Variants in TNKS2 observed in about 807,000 individuals in gnomAD.
TNKS2 encodes poly [ADP-ribose] polymerase tankyrase-2.
TNKS2 carries 72 observed loss-of-function variants against 137.6 expected under a neutral mutation model. That is an observed-to-expected ratio of 0.52 (90% confidence interval 0.43 to 0.64). The LOEUF (loss-of-function observed/expected upper bound fraction) is 0.64. Among genes scored for constraint, TNKS2 ranks in the 30% least tolerant of loss-of-function variants. The pLI is 0.00. For missense variants in TNKS2, 1,049 were observed against 1,410.2 expected, an observed-to-expected ratio of 0.74 and a Z score of 4.10; for synonymous variants, 516 against 512.1, an observed-to-expected ratio of 1.01 and a Z score of -0.10.
intron 1 of TNKS2, among the ~76,000 whole-genome samples, chr10:91,801,900 A>G (rs1844184851): frequency 6.6e-6 from 1 of 152,240 alleles, no homozygotes; most frequent in Non-Finnish European, 1.5e-5. Context: ...GAAAACAGCA[A>G]ATTTCAGTAA....
In TNKS2 at chr10:91,798,584, G is replaced by C. The variant is rs933372371; in HGVS notation, c.-107G>C. On this transcript the variant is annotated 5_prime_UTR_variant, in exon 1 of 27. Coordinates refer to ENST00000371627, the MANE Select transcript of TNKS2 (RefSeq NM_025235.4). Reference sequence around the variant, plus strand: ...GTGACAGCAGGGAGCCAAGCGGCCCGGGCCCTGAGCGCGTCTTCTCCGGGG... The same window carrying C: ...GTGACAGCAGGGAGCCAAGCGGCCCCGGCCCTGAGCGCGTCTTCTCCGGGG... 1.6e-5 allele frequency: 19 copies of C among 1,173,496 alleles called. No individual in the cohort carries two copies. Among genetic ancestry groups the C allele is most frequent in the Non-Finnish European group, 1.9e-5 (18 of 944,470 alleles). 72.7% of individuals were successfully genotyped at this position (1,173,496 alleles called of 1,614,324 possible). A position where few individuals can be genotyped will look rare whatever the true frequency, so the allele number is the denominator to read the frequency against.
intron 9 of TNKS2, among the ~76,000 whole-genome samples, chr10:91,830,449 C>T (rs1845210316): frequency 6.6e-6 from 1 of 152,128 alleles, no homozygotes; most frequent in African/African-American, 2.4e-5. Flanking sequence ...AACTCCTGAC[C>T]TCAGGTGACC....
rs772604315 is a variant in TNKS2 at position 91,857,508 on chromosome 10, C to T, written c.3072C>T (p.Ala1024=). The part of the protein sequence containing the change: ...KEVSEENHNH[A]NERMLFHGSP... ...TTTCTGAAGAAAACCACAACCATGC[C>T]AATGAACGAATGCTATTTCATGGTA... Residue 1024 remains alanine (A), a synonymous_variant, in exon 24 of 27, where the codon GCC becomes GCT. Coordinates refer to ENST00000371627, the MANE Select transcript of TNKS2 (RefSeq NM_025235.4). 1.2e-6 allele frequency: 2 copies of T among 1,610,418 alleles called. No homozygotes were observed. The highest frequency in any genetic ancestry group is 1.1e-5 in the South Asian group (1 of 90,676).
At chr10:91,857,361 G>C in intron 23 of TNKS2, 64 bp from the exon 24 acceptor site, 1 of 1,146,746 alleles carries the variant, frequency 8.7e-7, no homozygotes, top group Non-Finnish European at 1.3e-6. Flanking sequence ...CCCATGTTTG[G>C]TTTAGATGAA....
chr10:91,833,911 A>G lies in TNKS2; in HGVS notation c.1334A>G (p.His445Arg), dbSNP rs1040629167. 1 of 1,613,958 alleles carries G rather than the reference A, an allele frequency of 6.2e-7. No individual in the cohort carries two copies. Among genetic ancestry groups the G allele is most frequent in the Non-Finnish European group, 8.5e-7 (1 of 1,179,888 alleles). The change falls in exon 12 of 27, where the codon CAT becomes CGT. Residue 445 changes from histidine (H) to arginine (R), a missense_variant. This residue lies in a region of TNKS2 where 328 missense variants were observed against 436.0 expected (regional missense o/e 0.75). Transcript: ENST00000371627. ...TSLHRAAYCG[H>R]LQTCRLLLSY... is the part of the protein sequence containing the mutation. ...CTACACAGAGCTGCATATTGTGGTCATCTACAAACCTGCCGCCTACTCCTG... is the reference window on the plus strand; with the variant it reads ...CTACACAGAGCTGCATATTGTGGTCGTCTACAAACCTGCCGCCTACTCCTG...
Position 91,848,461 on chromosome 10 carries a change from A to C in TNKS2, c.2437A>C (p.Asn813His), listed in dbSNP as rs1386842170. ...CTCTTGTTACAAGCCTCAAGTGCTC[A>C]ATGGTGTGAGAAGCCCAGGAGCCAC... Reference protein sequence around the residue: ...LPSCYKPQVLNGVRSPGATAD... With the variant: ...LPSCYKPQVLHGVRSPGATAD... Residue 813 changes from asparagine to histidine, a missense_variant, in exon 19 of 27, where the codon AAT (asparagine) becomes CAT (histidine). This residue lies in a region of TNKS2 where 208 missense variants were observed against 231.2 expected (regional missense o/e 0.90). Coordinates refer to ENST00000371627, the MANE Select transcript of TNKS2 (RefSeq NM_025235.4). 1.2e-6 allele frequency: 2 copies of C among 1,614,156 alleles called. No individual in the cohort carries two copies. The highest frequency in any genetic ancestry group is 2.2e-5 in the South Asian group (2 of 91,076).
chr10:91,814,180 A>G (rs1844598187), intron 2 of TNKS2, among the ~76,000 whole-genome samples: 1 of 152,172 alleles, frequency 6.6e-6, no homozygotes, highest in Non-Finnish European at 1.5e-5. Context: ...GAGGTGGAAG[A>G]CAGTGATATT....
At chr10:91,810,244 G>A (rs1844453652) in intron 1 of TNKS2, among the ~76,000 whole-genome samples, 1 of 151,836 alleles carries the variant, frequency 6.6e-6, no homozygotes, top group South Asian at 2.1e-4. Flanking sequence ...CAGGCATGGT[G>A]GTGCACACCT....
rs1842160700 is a variant in TNKS2, at chr10:91,840,000, G to C, written c.1528-561G>C. Among the ~76,000 whole-genome samples the C allele has an allele frequency of 2.6e-5, 4 of 152,060 alleles. No homozygotes were observed. The South Asian group carries it at 8.3e-4, about 32-fold the overall frequency. ...TTTACCTGTATATATATATAGTAGC[G>C]GTAATGATAAAATTTACCCTTGAGC... On this transcript the variant is annotated intron_variant, in intron 13 of 26. Coordinates refer to ENST00000371627, the MANE Select transcript of TNKS2 (RefSeq NM_025235.4).
intron 7 of TNKS2, 144 bp from the exon 8 acceptor site, chr10:91,826,873 A>G (rs1026384207): frequency 7.0e-6 from 5 of 711,640 alleles, no homozygotes; most frequent in Middle Eastern, 3.7e-4. Flanking sequence ...GGAAAAATGT[A>G]TACTCATTCT....
chr10:91,816,847 ACT>A (rs1018675481), intron 2 of TNKS2, among the ~76,000 whole-genome samples: 1 of 152,078 alleles, frequency 6.6e-6, no homozygotes, highest in South Asian at 2.1e-4. Context: ...TCCCTTACAC[ACT>A]CTTATCTATC....
At chr10:91,849,688 A>G (rs1455748800) in intron 20 of TNKS2, 94 bp downstream of exon 20, 9 of 897,466 alleles carry the variant, frequency 1.0e-5, no homozygotes, top group South Asian at 4.2e-5. Context: ...CATGTAAGCT[A>G]TTGGGGGAGA....
chr10:91,817,023 C>A (rs1326104139), intron 2 of TNKS2, 111 bp from the exon 3 acceptor site: 1 of 653,076 alleles, frequency 1.5e-6, no homozygotes, highest in African/African-American at 1.8e-5. Flanking sequence ...TATGAAAGGT[C>A]TTTAAACAAC....
chr10:91,855,221 T>A, intron 22 of TNKS2, 95 bp downstream of exon 22: 1 of 786,696 alleles, frequency 1.3e-6, no homozygotes, highest in Non-Finnish European at 2.1e-6. Flanking sequence ...TTGCATTATA[T>A]AATTTTCACC....
At chr10:91,840,857 G>C in intron 14 of TNKS2, 151 bp downstream of exon 14, 1 of 752,444 alleles carries the variant, frequency 1.3e-6, no homozygotes, top group Non-Finnish European at 2.0e-6. Context: ...TTTCAATTAA[G>C]ATTTTATATG....
At chr10:91,833,566 T>C (rs1312170913) in intron 11 of TNKS2, among the ~76,000 whole-genome samples, 1 of 152,188 alleles carries the variant, frequency 6.6e-6, no homozygotes, top group Admixed American at 6.5e-5. Context: ...AGTTCAACTT[T>C]CTTAGGCAGT....
At chr10:91,846,326 C>A (rs1027196382) in intron 18 of TNKS2, among the ~76,000 whole-genome samples, 2 of 152,214 alleles carry the variant, frequency 1.3e-5, no homozygotes, top group Admixed American at 6.5e-5. Flanking sequence ...ACATTGCCCC[C>A]CAAGGTGCAG....
intron 12 of TNKS2, 120 bp downstream of exon 12, chr10:91,834,144 C>A: frequency 2.7e-6 from 2 of 728,290 alleles, no homozygotes; most frequent in Non-Finnish European, 4.0e-6. Flanking sequence ...TTTATTTCTT[C>A]TTAGGTTATT....
At chr10:91,840,757 T>G in intron 14 of TNKS2, 51 bp downstream of exon 14, 1 of 1,518,662 alleles carries the variant, frequency 6.6e-7, no homozygotes, top group Middle Eastern at 1.8e-4. Flanking sequence ...TACTTGACCT[T>G]TTTAGGAAAA....
Sources: allele counts gnomAD v4.1 joint callset (sites outside exome capture counted in the v4.1 genomes callset), GRCh38; gene constraint gnomAD v4.1.1; regional missense constraint gnomAD v4.1.1; transcripts MANE v1.5; gene names NCBI Gene and HGNC (gene_info 2026-07-23, HGNC 2026-07-21).